DOCK3: variants seen among roughly 807,000 people sequenced by gnomAD.
DOCK3 encodes the protein dedicator of cytokinesis 3.
Under a neutral mutation model 265.6 loss-of-function variants are expected in DOCK3, and 60 were observed. That is an observed-to-expected ratio of 0.23 (90% CI 0.18 to 0.28). DOCK3 has a LOEUF of 0.28. DOCK3 is among the 10% of genes least tolerant of loss of function. DOCK3 has a pLI of 1.00. For missense variants in DOCK3, 1,981 were observed against 2,594.3 expected (o/e 0.76, Z 5.14); for synonymous variants, 881 against 938.0 (o/e 0.94, Z 1.11).
At chr3:50,794,931 C>T (rs367581021) in intron 2 of DOCK3, among the ~76,000 whole-genome samples, 6 of 152,006 alleles carry the variant, frequency 3.9e-5, no homozygotes, top group African/African-American at 1.2e-4. Context: ...CTGAGGGTAA[C>T]GAATTTCCTC....
intron 19 of DOCK3, among the ~76,000 whole-genome samples, chr3:51,235,993 T>C (rs985791294): frequency 6.6e-6 from 1 of 152,210 alleles, no homozygotes; most frequent in Non-Finnish European, 1.5e-5. Context: ...CAAAATAAAT[T>C]TGGCATCAGT....
At chr3:50,744,368 C>A (rs75595893) in intron 1 of DOCK3, among the ~76,000 whole-genome samples, 1 of 151,830 alleles carries the variant, frequency 6.6e-6, no homozygotes, top group Admixed American at 6.6e-5. Context: ...ATATTTGCCC[C>A]TATGTTTTCT....
At chr3:50,733,644 A>G (rs984871628) in intron 1 of DOCK3, among the ~76,000 whole-genome samples, 1 of 152,160 alleles carries the variant, frequency 6.6e-6, no homozygotes, top group Admixed American at 6.6e-5. Context: ...TATAGGCAAC[A>G]TATAGTTGGA....
chr3:51,117,461 G>A (rs188256092), intron 9 of DOCK3, among the ~76,000 whole-genome samples: 103 of 152,274 alleles, frequency 6.8e-4, no homozygotes, highest in Non-Finnish European at 1.2e-3. Flanking sequence ...TTTGGTATAA[G>A]GGTGATGCTG....
chr3:50,937,437 G>A (rs1316594430), intron 5 of DOCK3, among the ~76,000 whole-genome samples: 6 of 151,990 alleles, frequency 3.9e-5, no homozygotes, highest in East Asian at 3.9e-4. Context: ...GGCAGATCAC[G>A]AGGTCAGGAG....
chr3:51,219,231 T>A (rs951828912), intron 14 of DOCK3, among the ~76,000 whole-genome samples: 3 of 152,254 alleles, frequency 2.0e-5, no homozygotes, highest in Admixed American at 2.0e-4. Flanking sequence ...TGTTTTTCTC[T>A]GTGCTGTCCC....
chr3:51,247,453 T>TCTG (rs1228750152), intron 22 of DOCK3, among the ~76,000 whole-genome samples: 1 of 152,234 alleles, frequency 6.6e-6, no homozygotes, highest in Non-Finnish European at 1.5e-5. Flanking sequence ...TGACTACTGT[T>TCTG]CTGCTGTTAA....
At chr3:51,375,107 G>A (rs2087997877) in intron 50 of DOCK3, among the ~76,000 whole-genome samples, 1 of 152,192 alleles carries the variant, frequency 6.6e-6, no homozygotes, top group African/African-American at 2.4e-5. Flanking sequence ...TGAACAAGAA[G>A]CTGTAGGGAT....
intron 8 of DOCK3, among the ~76,000 whole-genome samples, chr3:51,089,898 CAAA>C (rs1166631932): frequency 2.4e-5 from 1 of 42,284 alleles, no homozygotes; most frequent in Admixed American, 2.5e-4. Flanking sequence ...GACTCTGTCT[CAAA>C]AAAAAAAAAA....
intron 2 of DOCK3, among the ~76,000 whole-genome samples, chr3:50,782,929 G>C (rs1189175188): frequency 2.0e-5 from 3 of 150,484 alleles, no homozygotes; most frequent in Admixed American, 2.0e-4. Context: ...TAGAATAATG[G>C]TCTCCAATTC....
At chr3:50,753,302 TATAA>T (rs1262831841) in intron 1 of DOCK3, among the ~76,000 whole-genome samples, 2 of 152,200 alleles carry the variant, frequency 1.3e-5, no homozygotes, top group African/African-American at 4.8e-5. Context: ...TACCTTTTCG[TATAA>T]ATAGATATTG....
At chr3:51,258,067 T>C (rs924280818) in intron 22 of DOCK3, among the ~76,000 whole-genome samples, 2 of 152,220 alleles carry the variant, frequency 1.3e-5, no homozygotes, top group African/African-American at 2.4e-5. Flanking sequence ...TGTCTTATAT[T>C]GTGTAACCTA....
intron 22 of DOCK3, among the ~76,000 whole-genome samples, chr3:51,250,300 T>C (rs202159682): frequency 3.9e-4 from 3 of 7,784 alleles, no homozygotes; most frequent in African/African-American, 9.6e-4. Context: ...AAAAAAATAA[T>C]AAAAAATAAA....
rs2087905815 is a variant in DOCK3 at position 51,374,179 on chromosome 3, C to G, written c.5294-290C>G. ...GCAGGGAGCCCCTAGCCACCCTGCT[C>G]CAGTTCTTAACTCTCCTCACCCTCT... is the stretch of plus-strand genomic sequence containing the variant. On this transcript the variant is annotated intron_variant, in intron 49 of 52. Coordinates refer to ENST00000266037, the MANE Select transcript of DOCK3 (RefSeq NM_004947.5). The surrounding 1 kb of genome is among the most constrained non-coding windows in gnomAD (Gnocchi z 4.8). Among the ~76,000 whole-genome samples the G allele has an allele frequency of 1.3e-5, 2 of 152,168 alleles. No homozygotes were observed. Among genetic ancestry groups the G allele is most frequent in the African/African-American group, 4.8e-5 (2 of 41,422 alleles).
intron 12 of DOCK3, among the ~76,000 whole-genome samples, chr3:51,205,314 C>T (rs1249083297): frequency 6.6e-6 from 1 of 151,964 alleles, no homozygotes; most frequent in East Asian, 1.9e-4. Context: ...CACGAGGATG[C>T]TGCTAAAAGA....
chr3:50,990,133 C>A (rs2078054254), intron 5 of DOCK3, among the ~76,000 whole-genome samples: 2 of 151,862 alleles, frequency 1.3e-5, no homozygotes, highest in Non-Finnish European at 2.9e-5. Context: ...TGAACAAAAC[C>A]CCCCAAAAAG....
intron 3 of DOCK3, among the ~76,000 whole-genome samples, chr3:50,883,431 A>AT (rs1287891457): frequency 1.3e-5 from 2 of 152,094 alleles, no homozygotes; most frequent in African/African-American, 2.4e-5. Flanking sequence ...GTTTGCTTAC[A>AT]TTTTTTGTTT....
At chr3:51,081,643 C>T (rs933863899) in intron 7 of DOCK3, among the ~76,000 whole-genome samples, 14 of 151,996 alleles carry the variant, frequency 9.2e-5, no homozygotes, top group African/African-American at 3.1e-4. Context: ...CGCCTGTAAT[C>T]CCAGCACTTT....
rs181686443 is a variant in DOCK3, at chr3:51,281,474, T to G, written c.2922+1270T>G. On this transcript the variant is annotated intron_variant, in intron 27 of 52. Coordinates refer to ENST00000266037, the MANE Select transcript of DOCK3 (RefSeq NM_004947.5). ...TTATTTGCTTATGCTTTGTTTTGTT[T>G]TGGTCATCAAATCTGGTGAGGATTT... Among the ~76,000 whole-genome samples, 388 of 152,212 alleles carry G rather than the reference T, an allele frequency of 2.5e-3. 1 individual carries two copies. Among genetic ancestry groups the G allele is most frequent in the Non-Finnish European group, 4.3e-3 (290 of 67,994 alleles).
Sources: gnomAD v4.1 joint callset for allele counts (sites outside exome capture counted in the v4.1 genomes callset) on GRCh38, gnomAD v4.1.1 for gene constraint, Gnocchi (gnomAD v3.1) non-coding constraint, MANE v1.5 for transcripts, NCBI Gene and HGNC (gene_info 2026-07-23, HGNC 2026-07-21) for gene names.